The following SUGCT variants were observed in gnomAD, a reference collection of about 807,000 sequenced individuals.
SUGCT encodes the protein succinyl-CoA:glutarate CoA-transferase.
A neutral mutation model predicts 55.0 loss-of-function variants in SUGCT; 41 were observed. The ratio of observed to expected loss-of-function variants is 0.74; its 90% confidence interval spans 0.58 to 0.97. The LOEUF (loss-of-function observed/expected upper bound fraction) is 0.97. SUGCT is among the 50% of genes least tolerant of loss of function. The pLI is 0.00. For missense variants in SUGCT, 568 were observed against 547.8 expected (o/e 1.04, Z -0.37); for synonymous variants, 187 against 200.4 (o/e 0.93, Z 0.56).
chr7:40,708,278 T>G (rs1785526076), intron 12 of SUGCT, among the ~76,000 whole-genome samples: 1 of 152,192 alleles, frequency 6.6e-6, no homozygotes, highest in South Asian at 2.1e-4. Flanking sequence ...TGTCTGAGAC[T>G]TGATGCCCTT....
At chr7:40,898,781 C>T in the SUGCT span, among the ~76,000 whole-genome samples, 1 of 152,002 alleles carries the variant, frequency 6.6e-6, no homozygotes, top group Admixed American at 6.6e-5. Context: ...CAATTCTGGA[C>T]ACAAAATGGG....
chr7:40,371,176 TTCTC>T (rs1204375281), intron 9 of SUGCT, among the ~76,000 whole-genome samples: 1 of 152,210 alleles, frequency 6.6e-6, no homozygotes, highest in African/African-American at 2.4e-5. Context: ...TTCCCTCACT[TTCTC>T]TCTTTTTTCT....
the SUGCT span, among the ~76,000 whole-genome samples, chr7:40,968,425 C>G: frequency 2.0e-5 from 3 of 152,142 alleles, no homozygotes; most frequent in African/African-American, 7.2e-5. Flanking sequence ...CTGGCATGGA[C>G]ACAGCAAACC....
At chr7:40,348,867 AAT>A (rs1318386386) in intron 9 of SUGCT, among the ~76,000 whole-genome samples, 1 of 152,146 alleles carries the variant, frequency 6.6e-6, no homozygotes, top group African/African-American at 2.4e-5. Flanking sequence ...GTTGTTTCAT[AAT>A]CTCATGTTTG....
intron 12 of SUGCT, among the ~76,000 whole-genome samples, chr7:40,588,453 C>T (rs1584063443): frequency 6.6e-6 from 1 of 151,994 alleles, no homozygotes; most frequent in Non-Finnish European, 1.5e-5. Flanking sequence ...CTCTCCTGGT[C>T]CATTATCTAC....
the SUGCT span, among the ~76,000 whole-genome samples, chr7:40,898,030 G>T: frequency 1.3e-5 from 2 of 152,108 alleles, no homozygotes; most frequent in South Asian, 2.1e-4. Flanking sequence ...GTGTTCTTTC[G>T]CTTTTCAGAT....
chr7:40,377,802 A>G (rs1040106998), intron 9 of SUGCT, among the ~76,000 whole-genome samples: 8 of 152,302 alleles, frequency 5.3e-5, no homozygotes, highest in Middle Eastern at 3.4e-3. Flanking sequence ...TAATTATTTT[A>G]TAATTTTAAT....
intron 8 of SUGCT, among the ~76,000 whole-genome samples, chr7:40,314,043 G>T (rs1795297876): frequency 6.6e-6 from 1 of 152,188 alleles, no homozygotes; most frequent in Admixed American, 6.5e-5. Context: ...CAAACAGTTT[G>T]AGAGATGAAT....
rs1327162551 is a variant in SUGCT at position 40,272,064 on chromosome 7, TCTCG to T, written c.577-2445_577-2442del. 1.0e-3 allele frequency among the ~76,000 whole-genome samples: 89 copies of T among 84,954 alleles called. 1 individual carries two copies. Among genetic ancestry groups the T allele is most frequent in the African/African-American group, 3.5e-3 (72 of 20,742 alleles). 55.7% of individuals were successfully genotyped at this position (84,954 alleles called of 152,430 possible). On this transcript the variant is annotated intron_variant, in intron 7 of 13. Coordinates refer to ENST00000335693, the MANE Select transcript of SUGCT (RefSeq NM_001193313.2). ...GCTGAATAATATTCCTCTCTCTCTG[TCTCG>T]CTCTCTCTCTCTCTCTCTCTCTCTC... is the stretch of plus-strand genomic sequence containing the variant.
intron 12 of SUGCT, among the ~76,000 whole-genome samples, chr7:40,594,557 A>G (rs1018167442): frequency 1.3e-5 from 2 of 152,108 alleles, no homozygotes; most frequent in African/African-American, 2.4e-5. Context: ...CTATGCCTCA[A>G]TTTTCTCCTC....
intron 12 of SUGCT, among the ~76,000 whole-genome samples, chr7:40,718,039 G>A (rs941804807): frequency 2.6e-5 from 4 of 152,076 alleles, no homozygotes; most frequent in Admixed American, 2.6e-4. Flanking sequence ...TGATAAGATT[G>A]ACACAGTAAA....
intron 12 of SUGCT, among the ~76,000 whole-genome samples, chr7:40,738,706 C>T (rs1312977809): frequency 1.3e-5 from 2 of 152,170 alleles, no homozygotes; most frequent in African/African-American, 2.4e-5. Flanking sequence ...TCACTTACTG[C>T]AGTTGTAAGT....
At chr7:40,393,153 A>T (rs1384246541) in intron 9 of SUGCT, among the ~76,000 whole-genome samples, 1 of 152,186 alleles carries the variant, frequency 6.6e-6, no homozygotes, top group Non-Finnish European at 1.5e-5. Flanking sequence ...GTCATGGTGC[A>T]TGGGGGAATA....
At chr7:40,899,754 G>GA in the SUGCT span, among the ~76,000 whole-genome samples, 4 of 151,410 alleles carry the variant, frequency 2.6e-5, no homozygotes, top group Admixed American at 2.0e-4. Context: ...ATTTAAAGAG[G>GA]AAAAAAAACT....
At chr7:40,329,238 G>A (rs566596797) in intron 9 of SUGCT, among the ~76,000 whole-genome samples, 2 of 152,192 alleles carry the variant, frequency 1.3e-5, no homozygotes, top group East Asian at 3.9e-4. Flanking sequence ...TTAATATTAG[G>A]CAAATAATAT....
At chr7:40,653,824 T>C (rs1800890987) in intron 12 of SUGCT, among the ~76,000 whole-genome samples, 1 of 152,224 alleles carries the variant, frequency 6.6e-6, no homozygotes. Context: ...AAAAATAGTA[T>C]TGTTTTTCTC....
the SUGCT span, among the ~76,000 whole-genome samples, chr7:41,034,123 T>C: frequency 6.6e-6 from 1 of 152,144 alleles, no homozygotes; most frequent in African/African-American, 2.4e-5. Flanking sequence ...ATGAAACCAA[T>C]ACAATGCAAT....
intron 13 of SUGCT, among the ~76,000 whole-genome samples, chr7:40,788,963 A>C (rs1367697876): frequency 6.6e-6 from 1 of 152,206 alleles, no homozygotes; most frequent in Non-Finnish European, 1.5e-5. Flanking sequence ...CATATTTGTC[A>C]CTACTCAGTT....
At chr7:40,295,855 T>C (rs930686138) in intron 8 of SUGCT, among the ~76,000 whole-genome samples, 34 of 152,194 alleles carry the variant, frequency 2.2e-4, no homozygotes, top group African/African-American at 7.7e-4. Context: ...ATCTCTCCTC[T>C]ACCATATGCT....
Sources: gnomAD v4.1 joint callset for allele counts (sites outside exome capture counted in the v4.1 genomes callset) on GRCh38, gnomAD v4.1.1 for gene constraint, MANE v1.5 for transcripts, NCBI Gene and HGNC (gene_info 2026-07-23, HGNC 2026-07-21) for gene names.